The following CADPS variants were observed in gnomAD, a reference collection of about 807,000 sequenced individuals.
CADPS encodes calcium-dependent secretion activator 1.
A neutral mutation model predicts 167.3 loss-of-function variants in CADPS; 57 were observed. The observed-to-expected ratio is 0.34, with a 90% CI of 0.28 to 0.42. The LOEUF (loss-of-function observed/expected upper bound fraction) is 0.42, where lower values mean the gene tolerates loss of function less well. CADPS is among the 20% of genes least tolerant of loss of function. CADPS has a pLI of 1.00. For synonymous variants in CADPS, 676 were observed against 635.3 expected (o/e 1.06, Z -0.96); for missense variants, 1,414 against 1,738.1 (o/e 0.81, Z 3.32).
chr3:62,681,507 T>C (rs934739838), intron 3 of CADPS, among the ~76,000 whole-genome samples: 19 of 152,068 alleles, frequency 1.2e-4, no homozygotes, highest in Admixed American at 1.0e-3. Flanking sequence ...GCCCTTCCAC[T>C]GGCCCTCACT....
chr3:62,498,851 A>G (rs1205384782), intron 18 of CADPS, among the ~76,000 whole-genome samples: 2 of 144,386 alleles, frequency 1.4e-5, no homozygotes, highest in African/African-American at 4.9e-5. Flanking sequence ...AAACCAAAAA[A>G]TATTTTGTGT....
chr3:62,575,355 T>G (rs560106170), intron 8 of CADPS, among the ~76,000 whole-genome samples: 2 of 152,196 alleles, frequency 1.3e-5, no homozygotes, highest in Non-Finnish European at 2.9e-5. Flanking sequence ...GTTAAGTGCT[T>G]AAATCTGGAG....
At chr3:62,736,771 A>G (rs2079062209) in intron 3 of CADPS, among the ~76,000 whole-genome samples, 1 of 152,218 alleles carries the variant, frequency 6.6e-6, no homozygotes, top group Non-Finnish European at 1.5e-5. Flanking sequence ...TATCCTGCAT[A>G]CATGTACAAC....
intron 7 of CADPS, among the ~76,000 whole-genome samples, chr3:62,589,765 C>G (rs760840723): frequency 6.6e-5 from 10 of 152,126 alleles, no homozygotes; most frequent in Non-Finnish European, 1.5e-4. Context: ...GTTTTCTCAT[C>G]TATAAAACAA....
intron 3 of CADPS, among the ~76,000 whole-genome samples, chr3:62,704,223 A>G (rs2081945798): frequency 6.6e-6 from 1 of 152,180 alleles, no homozygotes; most frequent in Admixed American, 6.5e-5. Flanking sequence ...AGGGTTTGAG[A>G]CAGTAGTTTA....
chr3:62,808,248 A>AAATGAG (rs1553707224), intron 1 of CADPS, among the ~76,000 whole-genome samples: 13 of 151,502 alleles, frequency 8.6e-5, no homozygotes, highest in Admixed American at 5.3e-4. Context: ...GAATAAAAAT[A>AAATGAG]ATAAAAGATT....
At chr3:62,801,951 A>G (rs552102663) in intron 1 of CADPS, among the ~76,000 whole-genome samples, 1 of 152,296 alleles carries the variant, frequency 6.6e-6, no homozygotes, top group African/African-American at 2.4e-5. Context: ...AATTGTGCAG[A>G]CATCACTCTT....
chr3:62,688,275 A>G (rs2078465137), intron 3 of CADPS, among the ~76,000 whole-genome samples: 1 of 151,778 alleles, frequency 6.6e-6, no homozygotes, highest in Non-Finnish European at 1.5e-5. Context: ...ATTCCTAGAC[A>G]TTGGCAAATG....
At chr3:62,445,408 T>TTCTA (rs1363305376) in intron 27 of CADPS, among the ~76,000 whole-genome samples, 1 of 152,166 alleles carries the variant, frequency 6.6e-6, no homozygotes, top group African/African-American at 2.4e-5. Context: ...TTGTGCAAGT[T>TTCTA]TCTAGCTTCA....
chr3:62,806,655 C>T (rs142104255), intron 1 of CADPS, among the ~76,000 whole-genome samples: 13 of 152,196 alleles, frequency 8.5e-5, no homozygotes, highest in Admixed American at 2.0e-4. Context: ...AATTAGGTAA[C>T]GTATTTAAGG....
Position 62,516,594 on chromosome 3 carries a change from A to G in CADPS, c.2443T>C (p.Ser815Pro). 6.2e-7 allele frequency: 1 copy of G among 1,605,620 alleles called. No individual in the cohort carries two copies. The change falls in exon 15 of 30, where the codon TCA becomes CCA. Residue 815 changes from serine (S) to proline (P), a missense_variant. Coordinates refer to ENST00000383710, the MANE Select transcript of CADPS (RefSeq NM_003716.4). ...RPEGALKATL[S>P]LLERVLMKDI... ...TTCATTCTTACCCTTTCCAAGAGTG[A>G]GAGAGTAGCTTTCAAAGCACCTTCA... is the stretch of plus-strand genomic sequence containing the variant.
In CADPS at chr3:62,466,394, A is replaced by G. The variant is rs774478977; in HGVS notation, c.3497T>C (p.Ile1166Thr). The G allele has an allele frequency of 1.9e-6, 3 of 1,610,010 alleles. No homozygotes were observed. Among genetic ancestry groups the G allele is most frequent in the African/African-American group, 2.7e-5 (2 of 74,876 alleles). Reference sequence around the variant, plus strand: ...AACAGTTTCTTCAATTAGTTCGTCTATTTTTGAATGGTATTGATGCTAAGA... The same window carrying G: ...AACAGTTTCTTCAATTAGTTCGTCTGTTTTTGAATGGTATTGATGCTAAGA... ...MGQEHQYHSK[I>T]DELIEETVKE... Residue 1166 changes from isoleucine (I) to threonine (T), a missense_variant, in exon 25 of 30, where the codon ATA becomes ACA. Ile to Thr is a moderately conservative substitution (Grantham distance 89). Around this residue, in one of 6 missense-constraint regions of CADPS, gnomAD observed 185 missense variants for 251.5 expected, o/e 0.74. Transcript: ENST00000383710.
intron 17 of CADPS, among the ~76,000 whole-genome samples, chr3:62,511,436 A>T (rs9832189): frequency 0.07 from 10,630 of 152,186 alleles, 448 homozygotes; most frequent in East Asian, 0.18. Context: ...GCTCATCTCT[A>T]CTATGGGAAT....
At chr3:62,628,687 T>G (rs1032085279) in intron 6 of CADPS, among the ~76,000 whole-genome samples, 6 of 151,262 alleles carry the variant, frequency 4.0e-5, no homozygotes, top group Non-Finnish European at 7.4e-5. Context: ...AGTGCAGTAG[T>G]GCAATCTTGG....
rs1453844846 is a variant in CADPS, at chr3:62,399,958, A to G, written c.3883-373T>C. The stretch of plus-strand genomic sequence containing the variant: ...TAGACACAGGAAGGGGCTATAATAT[A>G]TAAATAATGGATTGAGTGATTATGG... On this transcript the variant is annotated intron_variant, in intron 29 of 29. Coordinates refer to ENST00000383710, the MANE Select transcript of CADPS (RefSeq NM_003716.4). The surrounding 1 kb of genome is among the most constrained non-coding windows in gnomAD (Gnocchi z 5.6). Among the ~76,000 whole-genome samples the G allele has an allele frequency of 6.6e-6, 1 of 152,246 alleles. No individual in the cohort carries two copies. Among genetic ancestry groups the G allele is most frequent in the Non-Finnish European group, 1.5e-5 (1 of 68,044 alleles).
At chr3:62,700,247 C>T (rs914415221) in intron 3 of CADPS, among the ~76,000 whole-genome samples, 2 of 152,076 alleles carry the variant, frequency 1.3e-5, no homozygotes, top group Admixed American at 6.5e-5. Context: ...AGAGGTGGAG[C>T]TTAATTCTTC....
chr3:62,731,573 C>A (rs1251778544), intron 3 of CADPS, among the ~76,000 whole-genome samples: 2 of 152,046 alleles, frequency 1.3e-5, no homozygotes, highest in Non-Finnish European at 2.9e-5. Flanking sequence ...GTCCCCTATA[C>A]TGGTGCAGCT....
intron 3 of CADPS, among the ~76,000 whole-genome samples, chr3:62,714,666 C>T (rs1166066084): frequency 6.6e-6 from 1 of 152,074 alleles, no homozygotes; most frequent in African/African-American, 2.4e-5. Flanking sequence ...CACTATTTGG[C>T]AAAATTCACA....
chr3:62,493,769 AC>A, intron 18 of CADPS, 104 bp from the exon 19 acceptor site: 7 of 950,286 alleles, frequency 7.4e-6, no homozygotes, highest in South Asian at 5.9e-5. Context: ...TTACAGTAAA[AC>A]CTCACTGATT....
Sources: gnomAD v4.1 joint callset for allele counts (sites outside exome capture counted in the v4.1 genomes callset) on GRCh38, gnomAD v4.1.1 for gene constraint, gnomAD v4.1.1 regional missense constraint, Gnocchi (gnomAD v3.1) non-coding constraint, MANE v1.5 for transcripts, NCBI Gene and HGNC (gene_info 2026-07-23, HGNC 2026-07-21) for gene names.